OR1L8: variants seen among roughly 807,000 people sequenced by gnomAD.
OR1L8 encodes olfactory receptor family 1 subfamily L member 8, also known as olfactory receptor 1L8.
For missense variants in OR1L8, 330 were observed against 377.4 expected (o/e 0.87, Z 1.04); for synonymous variants, 148 against 147.0 (o/e 1.01, Z -0.05).
At chr9:122,559,052 A>T in the OR1L8 span, among the ~76,000 whole-genome samples, 2 of 152,072 alleles carry the variant, frequency 1.3e-5, no homozygotes, top group Non-Finnish European at 2.9e-5. Flanking sequence ...CTTTGAGGTG[A>T]GAACATTCAC....
At chr9:122,559,485 C>T in the OR1L8 span, among the ~76,000 whole-genome samples, 1 of 152,080 alleles carries the variant, frequency 6.6e-6, no homozygotes, top group Non-Finnish European at 1.5e-5. Flanking sequence ...TCCCTCTTAA[C>T]ACTGCTTTAG....
chr9:122,566,679 A>G, downstream of OR1L8, among the ~76,000 whole-genome samples: 1 of 152,194 alleles, frequency 6.6e-6, no homozygotes, highest in East Asian at 1.9e-4. Flanking sequence ...ATCTTTGGAG[A>G]TTATATATAC....
At chr9:122,554,010 T>C in the OR1L8 span, 2 of 1,613,752 alleles carry the variant, frequency 1.2e-6, no homozygotes, top group Non-Finnish European at 1.7e-6. Context: ...ACTTCCTCCA[T>C]CAACTTACTC....
chr9:122,574,297 G>C (rs777912745), intron 3 of OR1L8, among the ~76,000 whole-genome samples: 1 of 152,148 alleles, frequency 6.6e-6, no homozygotes, highest in Non-Finnish European at 1.5e-5. Flanking sequence ...GAATTCAGGA[G>C]AATTGACCTT....
chr9:122,582,527 G>A lies in OR1L8; in HGVS notation c.-600+794C>T, dbSNP rs770188780. Among the ~76,000 whole-genome samples the A allele has an allele frequency of 5.9e-4, 90 of 151,612 alleles. 1 individual carries two copies. The highest frequency in any genetic ancestry group is 4.8e-3 in the Admixed American group (72 of 15,154). On this transcript the variant is annotated intron_variant, in intron 1 of 4. Coordinates refer to ENST00000641027, the MANE Select transcript of OR1L8 (RefSeq NM_001004454.2). ...GTTCGGGAGTTTGGGGCCAGCATGG[G>A]CAACATAGCAAGATCTTATCTCTGC...
intron 4 of OR1L8, among the ~76,000 whole-genome samples, chr9:122,569,760 T>C (rs112661014): frequency 4.8e-4 from 73 of 152,254 alleles, no homozygotes; most frequent in African/African-American, 1.6e-3. Context: ...ACATGTGCCA[T>C]GCTTGTGTGC....
chr9:122,566,760 T>C (rs1829432692), downstream of OR1L8, among the ~76,000 whole-genome samples: 1 of 141,508 alleles, frequency 7.1e-6, no homozygotes, highest in Non-Finnish European at 1.6e-5. Context: ...AATATTTCTA[T>C]AGGCTAGAGT....
chr9:122,563,396 A>G (rs970611434), downstream of OR1L8, among the ~76,000 whole-genome samples: 21 of 152,198 alleles, frequency 1.4e-4, no homozygotes, highest in Non-Finnish European at 2.6e-4. Flanking sequence ...TGTTGACCAT[A>G]TAGATGTCTT....
chr9:122,565,715 T>C (rs1829418739), downstream of OR1L8, among the ~76,000 whole-genome samples: 1 of 152,246 alleles, frequency 6.6e-6, no homozygotes, highest in African/African-American at 2.4e-5. Context: ...ACTTACCTTC[T>C]CCCCACCTTC....
At chr9:122,560,051 C>T in the OR1L8 span, among the ~76,000 whole-genome samples, 74 of 152,240 alleles carry the variant, frequency 4.9e-4, no homozygotes, top group Non-Finnish European at 9.4e-4. Context: ...GTTAGCTCTT[C>T]CTGTTGCATT....
At chr9:122,569,952 A>C (rs1156245723) in intron 4 of OR1L8, among the ~76,000 whole-genome samples, 1 of 149,920 alleles carries the variant, frequency 6.7e-6, no homozygotes, top group African/African-American at 2.5e-5. Context: ...TTCTTGCGAT[A>C]GTTTACTGAG....
downstream of OR1L8, among the ~76,000 whole-genome samples, chr9:122,562,350 C>T (rs1829367384): frequency 6.6e-6 from 1 of 152,238 alleles, no homozygotes; most frequent in South Asian, 2.1e-4. Context: ...GTGATGGCTG[C>T]AACTCCTCCC....
chr9:122,564,163 T>C (rs962911249), downstream of OR1L8, among the ~76,000 whole-genome samples: 1 of 152,150 alleles, frequency 6.6e-6, no homozygotes, highest in Non-Finnish European at 1.5e-5. Flanking sequence ...ACATCACTGT[T>C]GCCCTCTAGT....
the OR1L8 span, among the ~76,000 whole-genome samples, chr9:122,551,536 G>C: frequency 6.6e-6 from 1 of 152,190 alleles, no homozygotes; most frequent in Non-Finnish European, 1.5e-5. Context: ...CCTAGGACAT[G>C]GGACAAGTGC....
At chr9:122,553,084 T>G in the OR1L8 span, 1 of 881,744 alleles carries the variant, frequency 1.1e-6, no homozygotes, top group Non-Finnish European at 1.7e-6. Flanking sequence ...CAAAGACCAT[T>G]TATTTTTCTT....
At chr9:122,553,961 G>A in the OR1L8 span, 16,762 of 1,613,644 alleles carry the variant, frequency 0.01, 114 homozygotes, top group Non-Finnish European at 0.012. Flanking sequence ...ATCTCACGGT[G>A]GTTCTGCTCT....
rs1052115724 is a variant in OR1L8 at position 122,572,795 on chromosome 9, T to C, written c.-228A>G. The C allele has an allele frequency of 1.3e-5, 2 of 152,196 alleles. No individual in the cohort carries two copies. Among genetic ancestry groups the C allele is most frequent in the African/African-American group, 4.8e-5 (2 of 41,446 alleles). 9.4% of individuals were successfully genotyped at this position (152,196 alleles called of 1,614,324 possible). ...TGAAGCTCACCTCTGTATCCAGCGT[T>C]TTTCCTTTGCTTCCATGTGTCTCAA... On this transcript the variant is annotated 5_prime_UTR_variant, in exon 4 of 5. Transcript: ENST00000641027.
the OR1L8 span, among the ~76,000 whole-genome samples, chr9:122,551,196 T>C: frequency 2.0e-5 from 3 of 152,162 alleles, no homozygotes; most frequent in Non-Finnish European, 4.4e-5. Context: ...ACCTATGAAA[T>C]TGCTTATGAT....
At chr9:122,570,088 A>G (rs1269472106) in intron 4 of OR1L8, among the ~76,000 whole-genome samples, 1 of 149,220 alleles carries the variant, frequency 6.7e-6, no homozygotes, top group African/African-American at 2.5e-5. Flanking sequence ...ATTGTTGGAC[A>G]TTTGGGTTGG....
Sources: allele counts gnomAD v4.1 joint callset (sites outside exome capture counted in the v4.1 genomes callset), GRCh38; gene constraint gnomAD v4.1.1; transcripts MANE v1.5; gene names NCBI Gene and HGNC (gene_info 2026-07-23, HGNC 2026-07-21).